The following LRRC7 variants were observed in gnomAD, a reference collection of about 807,000 sequenced individuals.
The protein encoded by LRRC7 is leucine-rich repeat-containing protein 7.
Under a neutral mutation model 175.7 loss-of-function variants are expected in LRRC7, and 23 were observed. The ratio of observed to expected loss-of-function variants is 0.13; its 90% CI spans 0.09 to 0.19. The LOEUF (loss-of-function observed/expected upper bound fraction) is 0.19, where lower values mean the gene tolerates loss of function less well. LRRC7 is among the 10% of genes least tolerant of loss of function. LRRC7 has a pLI of 1.00. For synonymous variants in LRRC7, 685 were observed against 680.9 expected (o/e 1.01, Z -0.09); for missense variants, 1,354 against 1,904.7 (o/e 0.71, Z 5.38).
chr1:70,118,406 T>C (rs1480069648), intron 26 of LRRC7, among the ~76,000 whole-genome samples: 1 of 152,168 alleles, frequency 6.6e-6, no homozygotes, highest in African/African-American at 2.4e-5. Context: ...ATGTTATTTC[T>C]ACCAATATTT....
intron 3 of LRRC7, 77 bp downstream of exon 3, chr1:69,760,470 G>A: frequency 8.2e-7 from 1 of 1,221,738 alleles, no homozygotes; most frequent in Non-Finnish European, 1.2e-6. Context: ...TAATGGTAAT[G>A]TGAACTATGG....
At chr1:70,003,592 A>G (rs970611896) in intron 11 of LRRC7, among the ~76,000 whole-genome samples, 1 of 152,224 alleles carries the variant, frequency 6.6e-6, no homozygotes, top group Non-Finnish European at 1.5e-5. Context: ...AAATGATCAA[A>G]TGGAATTTCA....
Position 70,125,592 on chromosome 1 carries a change from A to T in LRRC7, c.*3705A>T, listed in dbSNP as rs1381706184. On this transcript the variant is annotated 3_prime_UTR_variant, in exon 27 of 27. Transcript: ENST00000651989. ...CGGATCACGAGGTCAGGAGATCGAG[A>T]CCATCCCAGCTAAAACGGTGAAACC... 1.3e-5 allele frequency among the ~76,000 whole-genome samples: 2 copies of T among 152,014 alleles called. No homozygotes were observed. Among genetic ancestry groups the T allele is most frequent in the Non-Finnish European group, 2.9e-5 (2 of 67,986 alleles).
chr1:69,647,660 A>C (rs1158357689), intron 1 of LRRC7, among the ~76,000 whole-genome samples: 3 of 152,080 alleles, frequency 2.0e-5, no homozygotes, highest in African/African-American at 7.2e-5. Flanking sequence ...CTTCTGGAAA[A>C]ATATCTTTCA....
intron 8 of LRRC7, among the ~76,000 whole-genome samples, chr1:69,976,339 C>T (rs915982104): frequency 3.3e-5 from 5 of 152,200 alleles, no homozygotes; most frequent in Admixed American, 2.0e-4. Flanking sequence ...AAAGATGCAG[C>T]CTGGGAGGCT....
chr1:70,035,664 A>G (rs920998316), intron 18 of LRRC7, among the ~76,000 whole-genome samples: 39 of 150,770 alleles, frequency 2.6e-4, no homozygotes, highest in Non-Finnish European at 4.6e-4. Context: ...TTGGTCAGTG[A>G]TATACTTTCC....
chr1:69,804,707 A>G (rs1489841312), intron 4 of LRRC7, among the ~76,000 whole-genome samples: 2 of 151,594 alleles, frequency 1.3e-5, no homozygotes, highest in Non-Finnish European at 3.0e-5. Context: ...TTTCTATGCC[A>G]ATGAATTTTT....
At chr1:69,762,720 A>G (rs541554864) in intron 3 of LRRC7, among the ~76,000 whole-genome samples, 2 of 152,184 alleles carry the variant, frequency 1.3e-5, no homozygotes, top group Admixed American at 6.6e-5. Flanking sequence ...CTAGGATCCT[A>G]AGTAGGCTTG....
chr1:69,636,140 G>A (rs773607902), intron 1 of LRRC7, among the ~76,000 whole-genome samples: 2 of 151,892 alleles, frequency 1.3e-5, no homozygotes, highest in Non-Finnish European at 2.9e-5. Context: ...ATAGTACCTA[G>A]GATAAGTGTA....
intron 7 of LRRC7, among the ~76,000 whole-genome samples, chr1:69,855,902 A>G (rs1454853112): frequency 6.6e-6 from 1 of 151,822 alleles, no homozygotes; most frequent in African/African-American, 2.4e-5. Context: ...GTCTCTTTTG[A>G]TCTTTGTTGG....
intron 1 of LRRC7, among the ~76,000 whole-genome samples, chr1:69,591,525 T>TA (rs1646633599): frequency 6.6e-6 from 1 of 152,098 alleles, no homozygotes; most frequent in East Asian, 1.9e-4. Context: ...AAAATTGTAG[T>TA]AAAACCGATA....
chr1:69,639,661 G>A (rs910227955), intron 1 of LRRC7, among the ~76,000 whole-genome samples: 1 of 151,684 alleles, frequency 6.6e-6, no homozygotes, highest in African/African-American at 2.4e-5. Context: ...CAAATATCCA[G>A]GAAACCAAGT....
chr1:70,143,282 C>G lies in LRRC7; in HGVS notation c.*21395C>G, dbSNP rs1667153553. On this transcript the variant is annotated 3_prime_UTR_variant, in exon 27 of 27. Transcript: ENST00000651989. ...ACATCTTAAGGCCAAGTAACCAGAGCTCCTTTAGCCAGAGAAAGAACTTGA... is the reference window on the plus strand; with the variant it reads ...ACATCTTAAGGCCAAGTAACCAGAGGTCCTTTAGCCAGAGAAAGAACTTGA... 1 of 151,644 alleles carries G rather than the reference C, an allele frequency of 6.6e-6. No individual in the cohort carries two copies. The highest frequency in any genetic ancestry group is 6.6e-5 in the Admixed American group (1 of 15,196). 9.4% of individuals were successfully genotyped at this position (151,644 alleles called of 1,614,324 possible).
intron 11 of LRRC7, among the ~76,000 whole-genome samples, chr1:70,003,167 G>A (rs775164629): frequency 1.9e-4 from 29 of 151,996 alleles, no homozygotes; most frequent in Non-Finnish European, 3.8e-4. Context: ...GTTGGTTGTC[G>A]GAGGGAAGAA....
rs143035701 is a variant in LRRC7, at chr1:69,843,292, T to G, written c.647+5009T>G. Among the ~76,000 whole-genome samples the G allele has an allele frequency of 2.3e-3, 343 of 152,194 alleles. 1 individual carries two copies. The highest frequency in any genetic ancestry group is 7.8e-3 in the African/African-American group (326 of 41,548). On this transcript the variant is annotated intron_variant, in intron 7 of 26. Transcript: ENST00000651989. ...AATCAAATTTGTCAAATGGATAATT[T>G]TAGTCATATAACCATTTCTAGTATG...
intron 4 of LRRC7, among the ~76,000 whole-genome samples, chr1:69,816,258 G>A (rs1235890915): frequency 6.6e-6 from 1 of 152,100 alleles, no homozygotes; most frequent in Non-Finnish European, 1.5e-5. Context: ...GATTACAGGC[G>A]CAAGCCACTG....
At chr1:69,655,632 T>C (rs894339165) in intron 1 of LRRC7, among the ~76,000 whole-genome samples, 4 of 152,024 alleles carry the variant, frequency 2.6e-5, no homozygotes, top group Non-Finnish European at 4.4e-5. Flanking sequence ...GATTTTAACA[T>C]TTATGTACAA....
intron 1 of LRRC7, among the ~76,000 whole-genome samples, chr1:69,601,506 G>A (rs558088962): frequency 1.2e-4 from 19 of 152,228 alleles, no homozygotes; most frequent in African/African-American, 4.3e-4. Flanking sequence ...ATTCTTGTGG[G>A]AACCTATTTT....
intron 24 of LRRC7, among the ~76,000 whole-genome samples, chr1:70,082,639 C>T (rs1431529585): frequency 3.3e-5 from 5 of 151,984 alleles, no homozygotes; most frequent in Admixed American, 2.6e-4. Context: ...AATGAAATGA[C>T]TAATCTTTAA....
Sources: allele counts gnomAD v4.1 joint callset (sites outside exome capture counted in the v4.1 genomes callset), GRCh38; gene constraint gnomAD v4.1.1; transcripts MANE v1.5; gene names NCBI Gene and HGNC (gene_info 2026-07-23, HGNC 2026-07-21).